RAD18: variants seen among roughly 807,000 people sequenced by gnomAD.
The protein encoded by RAD18 is RAD18 E3 ubiquitin protein ligase, also known as E3 ubiquitin-protein ligase RAD18.
A neutral mutation model predicts 60.4 loss-of-function variants in RAD18; 47 were observed. The observed-to-expected ratio is 0.78, with a 90% CI of 0.62 to 0.99. RAD18 has a LOEUF of 0.99. Ranked by LOEUF, RAD18 falls within the 50% of genes least tolerant of loss-of-function variation. The pLI is 0.00. For missense variants in RAD18, 640 were observed against 593.3 expected (o/e 1.08, Z -0.82); for synonymous variants, 225 against 195.5 (o/e 1.15, Z -1.26).
At chr3:8,955,171 G>A (rs1051152251) in intron 2 of RAD18, among the ~76,000 whole-genome samples, 4 of 152,152 alleles carry the variant, frequency 2.6e-5, no homozygotes, top group African/African-American at 9.7e-5. Flanking sequence ...AGGGAACCAG[G>A]TTGAGGGCCA....
chr3:8,902,571 A>T, intron 9 of RAD18, 51 bp from the exon 10 acceptor site: 1 of 1,509,466 alleles, frequency 6.6e-7, no homozygotes. Flanking sequence ...AAAGTTAACC[A>T]TCTACAACTG....
intron 2 of RAD18, among the ~76,000 whole-genome samples, chr3:8,952,326 C>T (rs1940939643): frequency 6.6e-6 from 1 of 152,148 alleles, no homozygotes; most frequent in Non-Finnish European, 1.5e-5. Flanking sequence ...TGTCCAGACT[C>T]ATTCTCTTAA....
chr3:8,950,180 G>A (rs1375881235), intron 2 of RAD18, among the ~76,000 whole-genome samples: 7 of 152,080 alleles, frequency 4.6e-5, no homozygotes, highest in African/African-American at 1.4e-4. Context: ...ACAGGTGTGC[G>A]CCACCACACC....
chr3:8,912,218 GA>G, intron 9 of RAD18, 93 bp downstream of exon 9: 1 of 989,054 alleles, frequency 1.0e-6, no homozygotes, highest in Non-Finnish European at 1.5e-6. Flanking sequence ...AGTTTGAATT[GA>G]ACCTTAATAT....
intron 7 of RAD18, among the ~76,000 whole-genome samples, chr3:8,914,191 A>G (rs756696721): frequency 1.3e-5 from 2 of 152,234 alleles, no homozygotes; most frequent in Non-Finnish European, 2.9e-5. Flanking sequence ...GTATGTTACC[A>G]ATCCAATTAC....
At chr3:8,940,680 A>C (rs1265681678) in intron 5 of RAD18, among the ~76,000 whole-genome samples, 1 of 152,264 alleles carries the variant, frequency 6.6e-6, no homozygotes, top group Non-Finnish European at 1.5e-5. Context: ...AATGGGATAC[A>C]AAACAGTCCA....
chr3:8,937,144 T>C (rs1241089123), intron 6 of RAD18, among the ~76,000 whole-genome samples: 3 of 152,230 alleles, frequency 2.0e-5, no homozygotes, highest in African/African-American at 7.2e-5. Flanking sequence ...TCTACAAGGT[T>C]GATAAAATTA....
chr3:8,930,503 C>G (rs1474500214), intron 7 of RAD18, among the ~76,000 whole-genome samples: 1 of 152,056 alleles, frequency 6.6e-6, no homozygotes, highest in Non-Finnish European at 1.5e-5. Context: ...TGTGAATATA[C>G]TGAAAACCAC....
At chr3:8,895,183 A>G (rs2125048646) in intron 11 of RAD18, among the ~76,000 whole-genome samples, 1 of 152,288 alleles carries the variant, frequency 6.6e-6, no homozygotes, top group Middle Eastern at 3.4e-3. Context: ...AGGGTATTCT[A>G]AAGTTCATAA....
intron 12 of RAD18, among the ~76,000 whole-genome samples, chr3:8,882,668 G>A (rs1939490349): frequency 6.6e-6 from 1 of 152,186 alleles, no homozygotes; most frequent in Non-Finnish European, 1.5e-5. Context: ...AAGCAAGCAT[G>A]GCTGAAAGGA....
At chr3:8,947,113 T>G in intron 4 of RAD18, 107 bp downstream of exon 4, 1 of 834,112 alleles carries the variant, frequency 1.2e-6, no homozygotes, top group Non-Finnish European at 1.9e-6. Context: ...TCTTTGACTA[T>G]AAAATATGCA....
In RAD18 at chr3:8,902,390, A is replaced by G. The variant is rs777938456; in HGVS notation, c.1158T>C (p.Ser386=). ...ATTATAGTCTCTTACCCATGCATAC[A>G]GAAGATAGCTTTTCTGTAGATTCAT... is the stretch of plus-strand genomic sequence containing the variant. ...KEDESTEKLS[S]VCMGQEDNMT... The change falls in exon 10 of 13, where the codon TCT becomes TCC. Residue 386 remains serine (S), a synonymous_variant. Transcript: ENST00000264926. 6.3e-7 allele frequency: 1 copy of G among 1,595,578 alleles called. No homozygotes were observed. Among genetic ancestry groups the G allele is most frequent in the East Asian group, 2.3e-5 (1 of 43,738 alleles).
intron 7 of RAD18, among the ~76,000 whole-genome samples, chr3:8,935,355 A>G (rs1050122055): frequency 5.9e-5 from 9 of 152,262 alleles, no homozygotes; most frequent in East Asian, 1.9e-4. Context: ...TGAAAAGGAT[A>G]TATGTTTGTG....
chr3:8,881,560 TC>T, intron 12 of RAD18, 101 bp from the exon 13 acceptor site: 2 of 868,912 alleles, frequency 2.3e-6, no homozygotes, highest in Non-Finnish European at 1.8e-6. Context: ...CATTAAAACC[TC>T]GAAATAATCC....
At chr3:8,946,412 G>T (rs1462030109) in intron 4 of RAD18, among the ~76,000 whole-genome samples, 1 of 152,166 alleles carries the variant, frequency 6.6e-6, no homozygotes, top group African/African-American at 2.4e-5. Context: ...ACATTTCTCA[G>T]AACACATCCC....
At chr3:8,941,124 C>T (rs1940740063) in intron 5 of RAD18, among the ~76,000 whole-genome samples, 2 of 152,044 alleles carry the variant, frequency 1.3e-5, no homozygotes, top group South Asian at 4.1e-4. Flanking sequence ...AGGAGGCATT[C>T]AAGTGGTGGT....
chr3:8,921,640 T>TA (rs1183996992), intron 7 of RAD18, among the ~76,000 whole-genome samples: 2 of 150,784 alleles, frequency 1.3e-5, no homozygotes, highest in East Asian at 3.9e-4. Flanking sequence ...ACCCTATCTT[T>TA]AAAAAAAAAC....
At chr3:8,881,486 C>T (rs1363985066) in intron 12 of RAD18, 27 bp from the exon 13 acceptor site, 2 of 1,526,930 alleles carry the variant, frequency 1.3e-6, no homozygotes, top group African/African-American at 1.4e-5. Context: ...GAAATGACAT[C>T]TTGGAAAGTA....
At chr3:8,956,277 C>T (rs901244262) in intron 2 of RAD18, among the ~76,000 whole-genome samples, 1 of 152,188 alleles carries the variant, frequency 6.6e-6, no homozygotes, top group Admixed American at 6.5e-5. Context: ...ATAAGCGCTA[C>T]TTGACACAAT....
Sources: gnomAD v4.1 joint callset for allele counts (sites outside exome capture counted in the v4.1 genomes callset) on GRCh38, gnomAD v4.1.1 for gene constraint, MANE v1.5 for transcripts, NCBI Gene and HGNC (gene_info 2026-07-23, HGNC 2026-07-21) for gene names.